The following ANKUB1 variants were observed in gnomAD, a reference collection of about 807,000 sequenced individuals.
ANKUB1 encodes the protein protein ANKUB1.
A neutral mutation model predicts 49.3 loss-of-function variants in ANKUB1; 42 were observed. The ratio of observed to expected loss-of-function variants is 0.85; its 90% CI spans 0.67 to 1.10. The LOEUF (loss-of-function observed/expected upper bound fraction) is 1.10, where lower values mean the gene tolerates loss of function less well. ANKUB1 is among the 50% of genes least tolerant of loss of function. The probability of loss-of-function intolerance (pLI) is 0.00; values close to 1 mark genes in which losing one functional copy is unlikely to be tolerated. For synonymous variants in ANKUB1, 222 were observed against 231.0 expected (o/e 0.96, Z 0.35); for missense variants, 613 against 642.0 (o/e 0.95, Z 0.49).
chr3:149,770,704 C>G lies in ANKUB1; in HGVS notation c.452-30G>C, dbSNP rs74317631. The G allele has an allele frequency of 2.7e-3, 3,781 of 1,397,046 alleles. 70 individuals carry two copies. In the African/African-American group the frequency reaches 0.043, roughly 16 times the overall value. 86.5% of individuals were successfully genotyped at this position (1,397,046 alleles called of 1,614,324 possible). A position where few individuals can be genotyped will look rare whatever the true frequency, so the allele number is the denominator to read the frequency against. ...GGATCAAGAGAGGTGGTTTATGGTT[C>G]CAGTCCAGCAGTGTGGTTTGACAAT... On this transcript the variant is annotated intron_variant, in intron 3 of 5. Transcript: ENST00000446160.
intron 1 of ANKUB1, among the ~76,000 whole-genome samples, chr3:149,791,491 A>G (rs1718354982): frequency 6.6e-6 from 1 of 152,166 alleles, no homozygotes; most frequent in East Asian, 1.9e-4. Context: ...GAAGCAGTCT[A>G]TAGACATCAC....
intron 2 of ANKUB1, chr3:149,783,439 C>T (rs1329956721): frequency 6.6e-6 from 1 of 152,152 alleles, no homozygotes; most frequent in Non-Finnish European, 1.5e-5. Flanking sequence ...GAGATATACA[C>T]AAAGTATCTT....
intron 3 of ANKUB1, chr3:149,779,330 GTTTTTGT>G (rs201365756): frequency 0.021 from 3,223 of 152,122 alleles, 50 homozygotes; most frequent in Non-Finnish European, 0.036. Context: ...TCCTGCTATT[GTTTTTGT>G]TTTTTGTTTT....
At position 149,767,848 on chromosome 3, in the gene ANKUB1, C is replaced by T. The variant is rs752621622; in HGVS notation, c.814G>A (p.Ala272Thr). 5 of 1,551,594 alleles carry T rather than the reference C, an allele frequency of 3.2e-6. No homozygotes were observed. Among genetic ancestry groups the T allele is most frequent in the Non-Finnish European group, 4.4e-6 (5 of 1,147,016 alleles). The part of the protein sequence containing the change: ...YSVLCLECKN[A>T]AGQTPLTIVF... ...ATGGTCAGGGGAGTTTGTCCTGCTG[C>T]ATTTTTGCATTCCAGGCACAGCACA... The change falls in exon 5 of 6, where the codon GCA (alanine) becomes ACA (threonine). Residue 272 changes from alanine to threonine, a missense_variant. Transcript: ENST00000446160.
At chr3:149,785,571 C>G (rs920731165) in intron 2 of ANKUB1, among the ~76,000 whole-genome samples, 96 of 152,252 alleles carry the variant, frequency 6.3e-4, no homozygotes, top group African/African-American at 2.3e-3. Context: ...TCATCCATGT[C>G]CCTACAAAGG....
At position 149,767,375 on chromosome 3, in the gene ANKUB1, T is replaced by C. The variant is rs564089557; in HGVS notation, c.1287A>G (p.Lys429=). 9 of 1,550,968 alleles carry C rather than the reference T, an allele frequency of 5.8e-6. No individual in the cohort carries two copies. The African/African-American group carries it at 1.1e-4, about 19-fold the overall frequency. ...CTTTTTTCCTAGCTGTGGCAGTAATTTTTTTCTGATTTTGTTGTTGATGTT... is the reference window on the plus strand; with the variant it reads ...CTTTTTTCCTAGCTGTGGCAGTAATCTTTTTCTGATTTTGTTGTTGATGTT... ...LQKHQQQNQK[K]ITATARKKEK... is the part of the protein sequence containing the mutation. Residue 429 remains lysine, a synonymous_variant, in exon 5 of 6, where the codon AAA becomes AAG. Transcript: ENST00000446160.
At chr3:149,764,569 TCCCTCCCTCCCTCCCTCCC>T (rs1716911993) in intron 5 of ANKUB1, among the ~76,000 whole-genome samples, 15 of 123,540 alleles carry the variant, frequency 1.2e-4, no homozygotes, top group African/African-American at 4.8e-4. Flanking sequence ...CTTCCTTCCT[TCCCTCCCTCCCTCCCTCCC>T]TCCCTTCCTT....
intron 2 of ANKUB1, among the ~76,000 whole-genome samples, chr3:149,787,293 C>T (rs1360433978): frequency 1.3e-5 from 2 of 152,116 alleles, no homozygotes; most frequent in African/African-American, 2.4e-5. Context: ...CTTCACATCC[C>T]TTGTAAGTTG....
intron 4 of ANKUB1, 140 bp from the exon 5 acceptor site, chr3:149,768,235 G>A: frequency 1.5e-6 from 1 of 652,420 alleles, no homozygotes. Flanking sequence ...TTTTAGAAAA[G>A]GCATATAGTG....
At chr3:149,791,516 G>A (rs1026635464) in intron 1 of ANKUB1, among the ~76,000 whole-genome samples, 2 of 151,938 alleles carry the variant, frequency 1.3e-5, no homozygotes, top group Admixed American at 1.3e-4. Flanking sequence ...CTTCCAAAGG[G>A]GTTAATAAAA....
intron 3 of ANKUB1, among the ~76,000 whole-genome samples, chr3:149,775,992 T>C (rs943102246): frequency 6.6e-6 from 1 of 152,134 alleles, no homozygotes. Flanking sequence ...CATATTAAGA[T>C]ATACTTATCA....
intron 4 of ANKUB1, among the ~76,000 whole-genome samples, chr3:149,769,340 G>A (rs1040513913): frequency 1.3e-5 from 2 of 152,170 alleles, no homozygotes; most frequent in African/African-American, 2.4e-5. Context: ...TACACTTTAT[G>A]TATAGCAAAA....
chr3:149,772,930 A>T (rs1331591751), intron 3 of ANKUB1, among the ~76,000 whole-genome samples: 2 of 152,198 alleles, frequency 1.3e-5, no homozygotes, highest in Non-Finnish European at 2.9e-5. Flanking sequence ...TCAGAACACC[A>T]GTAATCTTAG....
chr3:149,790,716 C>G, intron 2 of ANKUB1, 65 bp downstream of exon 2: 2 of 1,451,564 alleles, frequency 1.4e-6, no homozygotes, highest in South Asian at 2.8e-5. Context: ...CTTTGGTTGA[C>G]TTATCCCCAA....
chr3:149,769,609 T>G (rs910671412), intron 4 of ANKUB1, among the ~76,000 whole-genome samples: 1 of 152,188 alleles, frequency 6.6e-6, no homozygotes, highest in Non-Finnish European at 1.5e-5. Flanking sequence ...CTACCTTAAT[T>G]AGCATACAGT....
In ANKUB1 at chr3:149,767,768, C is replaced by A. The variant is rs1263375296; in HGVS notation, c.894G>T (p.Trp298Cys). 2 of 1,551,508 alleles carry A rather than the reference C, an allele frequency of 1.3e-6. No homozygotes were observed. The highest frequency in any genetic ancestry group is 4.9e-5 in the East Asian group (2 of 40,930). Reference protein sequence around the residue: ...DCVLYLLSKMWSTVSFPKISV... With the variant: ...DCVLYLLSKMCSTVSFPKISV... The stretch of plus-strand genomic sequence containing the variant: ...AAATTTTTGGAAAAGAAACTGTGGA[C>A]CACATTTTACTGAGCAAATATAATA... Residue 298 changes from tryptophan to cysteine, a missense_variant, in exon 5 of 6, where the codon TGG becomes TGT. Physicochemically the swap from Trp to Cys is radical, Grantham distance 215 (BLOSUM62 -2). Transcript: ENST00000446160.
intron 3 of ANKUB1, among the ~76,000 whole-genome samples, chr3:149,772,147 C>A (rs1378458964): frequency 6.6e-6 from 1 of 151,788 alleles, no homozygotes; most frequent in Non-Finnish European, 1.5e-5. Flanking sequence ...GCCTCACCCT[C>A]TCAAGTAGCT....
intron 4 of ANKUB1, among the ~76,000 whole-genome samples, chr3:149,768,735 A>G (rs2014610): frequency 0.79 from 120,120 of 152,116 alleles, 47,865 homozygotes; most frequent in East Asian, 1. Flanking sequence ...AGAAACAGGA[A>G]TTTCGCTACG....
chr3:149,779,136 A>G (rs1339284562), intron 3 of ANKUB1: 1 of 150,042 alleles, frequency 6.7e-6, no homozygotes, highest in Non-Finnish European at 1.5e-5. Context: ...TGTTTGTCTT[A>G]TTGATGTTTG....
Sources: gnomAD v4.1 joint callset for allele counts (sites outside exome capture counted in the v4.1 genomes callset) on GRCh38, gnomAD v4.1.1 for gene constraint, MANE v1.5 for transcripts, NCBI Gene and HGNC (gene_info 2026-07-23, HGNC 2026-07-21) for gene names.